Variants in NSUN7 observed in about 807,000 individuals in gnomAD.
NSUN7 encodes the protein NOP2/Sun RNA methyltransferase family member 7.
In NSUN7, 39 loss-of-function variants were observed where a neutral mutation model predicts 58.5. The ratio of observed to expected loss-of-function variants is 0.67; its 90% CI spans 0.52 to 0.87. NSUN7 has a LOEUF of 0.87. Ranked by LOEUF, NSUN7 falls within the 40% of genes least tolerant of loss-of-function variation. The pLI, the probability that NSUN7 is intolerant of heterozygous loss-of-function variation, is 0.00. For synonymous variants in NSUN7, 278 were observed against 303.7 expected, an observed-to-expected ratio of 0.92 and a Z score of 0.88; for missense variants, 765 against 844.1, an observed-to-expected ratio of 0.91 and a Z score of 1.16.
chr4:40,758,563 C>T (rs1296151100), intron 2 of NSUN7, among the ~76,000 whole-genome samples: 3 of 152,020 alleles, frequency 2.0e-5, no homozygotes, highest in South Asian at 4.1e-4. Context: ...TGGTGTCTCA[C>T]GCCTGTAACC....
intron 10 of NSUN7, among the ~76,000 whole-genome samples, chr4:40,802,071 CT>C (rs1003796806): frequency 6.6e-6 from 1 of 151,932 alleles, no homozygotes; most frequent in South Asian, 2.1e-4. Flanking sequence ...ATAATTTCAT[CT>C]TTTTTATATT....
chr4:40,788,165 T>G (rs1345508506), intron 7 of NSUN7, among the ~76,000 whole-genome samples: 1 of 152,140 alleles, frequency 6.6e-6, no homozygotes, highest in Non-Finnish European at 1.5e-5. Flanking sequence ...GGAAAGACTG[T>G]GGTACAGTTA....
chr4:40,771,944 A>G (rs1742033240), intron 4 of NSUN7, among the ~76,000 whole-genome samples: 2 of 151,842 alleles, frequency 1.3e-5, no homozygotes, highest in South Asian at 2.1e-4. Context: ...ATTTAAAGCT[A>G]TGGAAGAAGC....
At chr4:40,757,674 GTATA>G (rs569537757) in intron 2 of NSUN7, among the ~76,000 whole-genome samples, 1 of 143,714 alleles carries the variant, frequency 7.0e-6, no homozygotes, top group Admixed American at 7.0e-5. Context: ...TACATTGTGT[GTATA>G]TATATACACA....
chr4:40,766,439 A>C (rs1741731170), intron 4 of NSUN7, among the ~76,000 whole-genome samples: 1 of 151,868 alleles, frequency 6.6e-6, no homozygotes, highest in East Asian at 1.9e-4. Context: ...AGCCCACTTG[A>C]TCATGGTGGA....
At chr4:40,762,836 G>T (rs1741524492) in intron 4 of NSUN7, 1 of 132,498 alleles carries the variant, frequency 7.5e-6, no homozygotes, top group South Asian at 2.5e-4. Flanking sequence ...TAGGTTGCAT[G>T]CTCCTTGTGA....
intron 7 of NSUN7, chr4:40,786,513 C>T: frequency 1.2e-6 from 2 of 1,613,210 alleles, no homozygotes; most frequent in South Asian, 1.1e-5. Flanking sequence ...TAGTTGCTAA[C>T]AAACAAGATT....
intron 10 of NSUN7, 45 bp from the exon 11 acceptor site, chr4:40,807,016 A>G (rs547675410): frequency 6.5e-7 from 1 of 1,538,330 alleles, no homozygotes; most frequent in African/African-American, 1.4e-5. Flanking sequence ...TCTCTTGGCA[A>G]AGAAGCCATT....
At chr4:40,768,957 C>G (rs1435246564) in intron 4 of NSUN7, among the ~76,000 whole-genome samples, 1 of 152,186 alleles carries the variant, frequency 6.6e-6, no homozygotes, top group Non-Finnish European at 1.5e-5. Flanking sequence ...AGTTCTTCTT[C>G]CAAACCACCC....
At chr4:40,791,592 G>A (rs1202767115) in intron 8 of NSUN7, among the ~76,000 whole-genome samples, 1 of 152,030 alleles carries the variant, frequency 6.6e-6, no homozygotes, top group African/African-American at 2.4e-5. Context: ...ACATTATATT[G>A]CTCCAAATTA....
chr4:40,788,058 C>T (rs1425707585), intron 7 of NSUN7, among the ~76,000 whole-genome samples: 2 of 152,214 alleles, frequency 1.3e-5, no homozygotes, highest in Non-Finnish European at 2.9e-5. Flanking sequence ...TGGTCTCAAA[C>T]TCCCGACCTC....
rs1741703944 is a variant in NSUN7 at position 40,765,946 on chromosome 4, T to G, written c.488+4645T>G. ...ACATTGATTTTGTATCCTGAGACTT[T>G]GCTGAAGTTGCTTATCAGCTTAAGG... On this transcript the variant is annotated intron_variant, in intron 4 of 11. Transcript: ENST00000381782. Among the ~76,000 whole-genome samples the G allele has an allele frequency of 2.0e-5, 3 of 152,262 alleles. No individual in the cohort carries two copies. In the South Asian group the frequency reaches 6.2e-4, roughly 31 times the overall value.
rs550416801 is a variant in NSUN7, at chr4:40,808,616, C to A, written c.1834C>A (p.His612Asn). Residue 612 changes from histidine to asparagine, a missense_variant, in exon 12 of 12, where the codon CAT becomes AAT. Transcript: ENST00000381782. ...CAGAAAACCCAACAAGCTGGCCCCCCATCCTGCAGTGCCTGCATTTGTGAA... is the reference window on the plus strand; with the variant it reads ...CAGAAAACCCAACAAGCTGGCCCCCAATCCTGCAGTGCCTGCATTTGTGAA... ...QTRKPNKLAP[H>N]PAVPAFVKNT... The A allele has an allele frequency of 1.9e-6, 3 of 1,551,678 alleles. No individual in the cohort carries two copies.
Position 40,794,416 on chromosome 4 carries a change from G to A in NSUN7, c.1222G>A (p.Val408Met). ...LKDHSQGGISVDKLHVLAQQQ... is the reference protein window; with the variant it reads ...LKDHSQGGISMDKLHVLAQQQ... ...AGATCACTCTCAAGGAGGCATCTCA[G>A]TGGACAAACTTCACGTTCTTGCTCA... The change falls in exon 9 of 12, where the codon GTG becomes ATG. Residue 408 changes from valine (V) to methionine (M), a missense_variant. By Grantham distance (21) the Val-to-Met change is conservative. Transcript: ENST00000381782. The A allele has an allele frequency of 6.2e-6, 10 of 1,612,688 alleles. No homozygotes were observed. Among genetic ancestry groups the A allele is most frequent in the Non-Finnish European group, 6.8e-6 (8 of 1,179,038 alleles).
In NSUN7 at chr4:40,810,712, A is replaced by G. The variant is rs1223961818; in HGVS notation, c.*1773A>G. On this transcript the variant is annotated 3_prime_UTR_variant, in exon 12 of 12. Coordinates refer to ENST00000381782, the MANE Select transcript of NSUN7 (RefSeq NM_024677.6). ...TATCACTCTTGTACAGAAAGATATA[A>G]AGTGCTCAGCTTATTTTGCTGATTT... 1 of 152,204 alleles carries G rather than the reference A, an allele frequency of 6.6e-6. No individual in the cohort carries two copies. Among genetic ancestry groups the G allele is most frequent in the East Asian group, 1.9e-4 (1 of 5,200 alleles). The allele number at this position is 152,204 out of a possible 1,614,324, so 9.4% of individuals were successfully genotyped here.
rs769679678 is a variant in NSUN7 at position 40,790,612 on chromosome 4, A to G, written c.1047A>G (p.Ile349Met). ...FTKIGCKNIE[I>M]LHEKFINIES... ...GTGTTTTTTCCCCAGATATTGAAAT[A>G]CTTCATGAGAAATTTATTAACATTG... The change falls in exon 8 of 12, where the codon ATA becomes ATG. Residue 349 changes from isoleucine (I) to methionine (M), a missense_variant. Transcript: ENST00000381782. 1 of 1,549,064 alleles carries G rather than the reference A, an allele frequency of 6.5e-7. No homozygotes were observed. Among genetic ancestry groups the G allele is most frequent in the East Asian group, 2.3e-5 (1 of 44,074 alleles).
At chr4:40,785,211 T>C (rs1340832495) in intron 7 of NSUN7, among the ~76,000 whole-genome samples, 2 of 151,972 alleles carry the variant, frequency 1.3e-5, no homozygotes, top group African/African-American at 4.8e-5. Context: ...ATTTTTTTTT[T>C]TTTTGGTAGA....
intron 4 of NSUN7, among the ~76,000 whole-genome samples, chr4:40,764,897 C>T (rs958843693): frequency 1.3e-5 from 2 of 152,068 alleles, no homozygotes; most frequent in African/African-American, 4.8e-5. Flanking sequence ...AGTGTCTGTT[C>T]ATATCCTTCA....
chr4:40,770,063 A>C (rs1274431321), intron 4 of NSUN7, among the ~76,000 whole-genome samples: 4 of 151,738 alleles, frequency 2.6e-5, no homozygotes, highest in African/African-American at 9.7e-5. Context: ...ATACAAAATT[A>C]GTCAGGCGTG....
Sources: allele counts gnomAD v4.1 joint callset (sites outside exome capture counted in the v4.1 genomes callset), GRCh38; gene constraint gnomAD v4.1.1; transcripts MANE v1.5; gene names NCBI Gene and HGNC (gene_info 2026-07-23, HGNC 2026-07-21).